DACH2: variants seen among roughly 807,000 people sequenced by gnomAD.
The protein encoded by DACH2 is dachshund homolog 2.
DACH2 carries 17 observed loss-of-function variants against 35.8 expected under a neutral mutation model. That is an observed-to-expected ratio of 0.48 (90% CI 0.33 to 0.71). The LOEUF is 0.71. DACH2 is among the 30% of genes least tolerant of loss of function. DACH2 has a pLI of 0.02. For missense variants in DACH2, 469 were observed against 472.7 expected, an observed-to-expected ratio of 0.99 and a Z score of 0.07; for synonymous variants, 195 against 177.3, an observed-to-expected ratio of 1.10 and a Z score of -0.79.
intron 7 of DACH2, among the ~76,000 whole-genome samples, chrX:86,753,373 C>A (rs1273074829): frequency 1.8e-5 from 2 of 111,503 alleles, no homozygotes; most frequent in Non-Finnish European, 3.8e-5. Context: ...ATTTAAAATT[C>A]CTTATGATGC....
At chrX:86,751,800 C>T (rs1210053562) in intron 7 of DACH2, among the ~76,000 whole-genome samples, 6 of 111,584 alleles carry the variant, frequency 5.4e-5, no homozygotes, top group South Asian at 3.7e-4. Flanking sequence ...ATGTTTATTG[C>T]GGTGCTATTC....
chrX:86,610,402 TTTC>T (rs1569452313), intron 3 of DACH2, among the ~76,000 whole-genome samples: 3 of 86,306 alleles, frequency 3.5e-5, no homozygotes, highest in African/African-American at 1.0e-4. Context: ...TCTTTCTTTC[TTTC>T]TTTCTTTCTT....
chrX:86,377,566 A>C (rs1471013563), intron 2 of DACH2, among the ~76,000 whole-genome samples: 1 of 110,556 alleles, frequency 9.0e-6, no homozygotes, highest in Non-Finnish European at 1.9e-5. Flanking sequence ...AGACAAGGGC[A>C]AAGGAGGGGA....
At chrX:86,308,179 A>G (rs2034726566) in intron 1 of DACH2, among the ~76,000 whole-genome samples, 1 of 112,567 alleles carries the variant, frequency 8.9e-6, no homozygotes, top group African/African-American at 3.2e-5. Context: ...GCCTTGTGAA[A>G]TAGATTTATG....
intron 3 of DACH2, among the ~76,000 whole-genome samples, chrX:86,574,322 C>A (rs936385103): frequency 9.0e-6 from 1 of 111,061 alleles, no homozygotes; most frequent in Non-Finnish European, 1.9e-5. Flanking sequence ...CTCGGTTGAC[C>A]TAATTTTTAC....
At chrX:86,501,352 G>A (rs1384201301) in intron 2 of DACH2, among the ~76,000 whole-genome samples, 1 of 111,326 alleles carries the variant, frequency 9.0e-6, no homozygotes, top group African/African-American at 3.3e-5. Context: ...ACTCTTTCAT[G>A]GCTAATATTA....
At chrX:86,438,385 G>C (rs755157096) in intron 2 of DACH2, among the ~76,000 whole-genome samples, 1 of 109,708 alleles carries the variant, frequency 9.1e-6, no homozygotes, top group Non-Finnish European at 1.9e-5. Context: ...CATCACGCCC[G>C]GCTAATTTTT....
intron 1 of DACH2, among the ~76,000 whole-genome samples, chrX:86,196,783 CGTT>C (rs1352809546): frequency 1.9e-5 from 2 of 107,547 alleles, no homozygotes; most frequent in East Asian, 2.9e-4. Context: ...ATCTATGACT[CGTT>C]GGTGTCCCTG....
chrX:86,149,453 T>C (rs1444599862), intron 1 of DACH2, among the ~76,000 whole-genome samples: 1 of 112,116 alleles, frequency 8.9e-6, no homozygotes, highest in Non-Finnish European at 1.9e-5. Flanking sequence ...TGCTCTTTTG[T>C]GGCCGCACGG....
intron 1 of DACH2, among the ~76,000 whole-genome samples, chrX:86,278,101 T>C (rs1170350509): frequency 1.8e-5 from 2 of 111,529 alleles, no homozygotes; most frequent in Non-Finnish European, 3.8e-5. Context: ...GGTTACTCTT[T>C]GGTGGTCTGC....
intron 1 of DACH2, among the ~76,000 whole-genome samples, chrX:86,296,275 G>A (rs2034453746): frequency 9.8e-6 from 1 of 102,012 alleles, no homozygotes. Context: ...CAGCTACTCG[G>A]GAGGCTGAGG....
intron 2 of DACH2, among the ~76,000 whole-genome samples, chrX:86,401,021 C>A (rs1237999395): frequency 8.9e-6 from 1 of 112,454 alleles, no homozygotes; most frequent in African/African-American, 3.2e-5. Context: ...CTGTGGTGGA[C>A]TCCACACAGT....
chrX:86,246,072 G>C (rs1440047013), intron 1 of DACH2, among the ~76,000 whole-genome samples: 1 of 110,842 alleles, frequency 9.0e-6, no homozygotes, highest in African/African-American at 3.3e-5. Context: ...AGGATCTCAG[G>C]GCTTGAAGAC....
intron 1 of DACH2, among the ~76,000 whole-genome samples, chrX:86,309,290 C>T (rs930571565): frequency 5.4e-5 from 6 of 112,102 alleles, no homozygotes; most frequent in Non-Finnish European, 5.6e-5. Flanking sequence ...AGCTACTGTA[C>T]CAGATGTGGT....
Position 86,752,420 on chromosome X carries a change from G to GAT in DACH2, c.1240+12548_1240+12549dup, listed in dbSNP as rs748504632. The stretch of plus-strand genomic sequence containing the variant: ...TCTGTTTTGGAGAAATAAATAAATA[G>GAT]ATATATATATACCTTGACATAGGCT... On this transcript the variant is annotated intron_variant, in intron 7 of 11. Transcript: ENST00000373125. 2.8e-4 allele frequency among the ~76,000 whole-genome samples: 31 copies of GAT among 110,890 alleles called. No individual in the cohort carries two copies. The East Asian group carries it at 4.0e-3, about 14-fold the overall frequency.
At chrX:86,593,688 A>G (rs2039677870) in intron 3 of DACH2, among the ~76,000 whole-genome samples, 1 of 110,395 alleles carries the variant, frequency 9.1e-6, no homozygotes, top group Admixed American at 9.8e-5. Context: ...CAGCCTCCCA[A>G]ATTTCTGGGA....
At chrX:86,567,968 C>T (rs1002881793) in intron 3 of DACH2, among the ~76,000 whole-genome samples, 1 of 110,964 alleles carries the variant, frequency 9.0e-6, no homozygotes, top group African/African-American at 3.3e-5. Context: ...GAATATTATT[C>T]GCTGCTAAAA....
chrX:86,432,961 A>G (rs1446371575), intron 2 of DACH2, among the ~76,000 whole-genome samples: 2 of 111,538 alleles, frequency 1.8e-5, no homozygotes, highest in Non-Finnish European at 3.8e-5. Flanking sequence ...CGTTAAATAC[A>G]TGGACTATGG....
intron 7 of DACH2, among the ~76,000 whole-genome samples, chrX:86,762,405 GC>G (rs1440647939): frequency 9.0e-6 from 1 of 111,210 alleles, no homozygotes; most frequent in Non-Finnish European, 1.9e-5. Context: ...TCATTAATGG[GC>G]ATGGAAATGA....
Sources: allele counts gnomAD v4.1 joint callset (sites outside exome capture counted in the v4.1 genomes callset), GRCh38; gene constraint gnomAD v4.1.1; transcripts MANE v1.5; gene names NCBI Gene and HGNC (gene_info 2026-07-23, HGNC 2026-07-21).